PLEKHH1: variants seen among roughly 807,000 people sequenced by gnomAD.
PLEKHH1 encodes pleckstrin homology, MyTH4 and FERM domain containing H1, also known as pleckstrin homology domain-containing family H member 1.
A neutral mutation model predicts 160.0 loss-of-function variants in PLEKHH1; 104 were observed. The ratio of observed to expected loss-of-function variants is 0.65; its 90% confidence interval spans 0.55 to 0.76. The LOEUF (loss-of-function observed/expected upper bound fraction) is 0.76, where lower values mean the gene tolerates loss of function less well. Ranked by LOEUF, PLEKHH1 falls within the 30% of genes least tolerant of loss-of-function variation. The pLI, the probability that PLEKHH1 is intolerant of heterozygous loss-of-function variation, is 0.00. For synonymous variants in PLEKHH1, 619 were observed against 678.4 expected, an observed-to-expected ratio of 0.91 and a Z score of 1.36; for missense variants, 1,427 against 1,724.1, an observed-to-expected ratio of 0.83 and a Z score of 3.05.
At chr14:67,560,444 C>A (rs1383250263) in intron 5 of PLEKHH1, among the ~76,000 whole-genome samples, 1 of 152,226 alleles carries the variant, frequency 6.6e-6, no homozygotes, top group Non-Finnish European at 1.5e-5. Context: ...AGTACATTCA[C>A]AGTGTTGTGC....
chr14:67,565,609 A>C (rs1220551950), intron 7 of PLEKHH1, among the ~76,000 whole-genome samples: 1 of 152,184 alleles, frequency 6.6e-6, no homozygotes, highest in Non-Finnish European at 1.5e-5. Context: ...GGACATTGCC[A>C]GAGCTAAGGT....
intron 7 of PLEKHH1, among the ~76,000 whole-genome samples, chr14:67,566,749 G>GAA (rs58616303): frequency 1.4e-4 from 19 of 134,262 alleles, no homozygotes; most frequent in African/African-American, 3.9e-4. Context: ...ACCCTGTCTT[G>GAA]AAAAAAAAAA....
chr14:67,562,490 G>T lies in PLEKHH1; in HGVS notation c.859G>T (p.Val287Phe). ...CSSASWGEGL[V>F]TAQRGMLPGT... is the part of the protein sequence containing the mutation. ...TTCAGCTTCCTGGGGTGAGGGTCTG[G>T]TTACTGCTCAGAGAGGGATGCTCCC... Residue 287 changes from valine to phenylalanine, a missense_variant, in exon 7 of 29, where the codon GTT becomes TTT. By Grantham distance (50) the Val-to-Phe change is conservative. Transcript: ENST00000329153. 2 of 1,613,302 alleles carry T rather than the reference G, an allele frequency of 1.2e-6. No individual in the cohort carries two copies. The highest frequency in any genetic ancestry group is 1.7e-6 in the Non-Finnish European group (2 of 1,179,318).
chr14:67,552,947 A>C (rs1342294402), intron 2 of PLEKHH1, among the ~76,000 whole-genome samples: 1 of 152,112 alleles, frequency 6.6e-6, no homozygotes, highest in Non-Finnish European at 1.5e-5. Flanking sequence ...TAGATAATAA[A>C]ATCCGGAGGG....
In PLEKHH1 at chr14:67,572,221, G is replaced by A. The variant is rs1345652256; in HGVS notation, c.1672G>A (p.Glu558Lys). 10 of 1,609,540 alleles carry A rather than the reference G, an allele frequency of 6.2e-6. No individual in the cohort carries two copies. Among genetic ancestry groups the A allele is most frequent in the African/African-American group, 1.3e-5 (1 of 74,844 alleles). ...ACTGGACAGTGACTACTCAGAGCCTGAGCACAAACTGCAGCGCACCTCATC... is the reference window on the plus strand; with the variant it reads ...ACTGGACAGTGACTACTCAGAGCCTAAGCACAAACTGCAGCGCACCTCATC... The part of the protein sequence containing the change: ...CSLDSDYSEP[E>K]HKLQRTSSYS... The change falls in exon 11 of 29, where the codon GAG becomes AAG. Residue 558 changes from glutamate (E) to lysine (K), a missense_variant. Coordinates refer to ENST00000329153, the MANE Select transcript of PLEKHH1 (RefSeq NM_020715.3).
intron 1 of PLEKHH1, among the ~76,000 whole-genome samples, chr14:67,535,370 C>CTTT (rs71129833): frequency 0.011 from 806 of 74,240 alleles, 158 homozygotes; most frequent in African/African-American, 0.024. Context: ...GTGAGCACAT[C>CTTT]TTTTTTTTTT....
At chr14:67,544,829 C>T (rs534431875) in intron 2 of PLEKHH1, among the ~76,000 whole-genome samples, 25 of 152,272 alleles carry the variant, frequency 1.6e-4, no homozygotes, top group African/African-American at 5.5e-4. Flanking sequence ...CAGAATGCTG[C>T]CTACAGAAAT....
At chr14:67,561,334 C>T (rs1257542932) in intron 5 of PLEKHH1, among the ~76,000 whole-genome samples, 9 of 152,110 alleles carry the variant, frequency 5.9e-5, no homozygotes, top group Non-Finnish European at 1.2e-4. Flanking sequence ...GTGGATTGCT[C>T]GACACTAGGA....
chr14:67,580,786 G>A lies in PLEKHH1; in HGVS notation c.3184-152G>A. ...GGGAGCTGCTGCCACCTTGGGTCCA[G>A]GAAGCATGAAGCTCCGCAGGTCAGC... On this transcript the variant is annotated intron_variant, in intron 22 of 28. Coordinates refer to ENST00000329153, the MANE Select transcript of PLEKHH1 (RefSeq NM_020715.3). The A allele has an allele frequency of 1.3e-5, 8 of 593,472 alleles. No homozygotes were observed. In the South Asian group the frequency reaches 1.6e-4, roughly 12 times the overall value. The allele number at this position is 593,472 out of a possible 1,614,324, so 36.8% of individuals were successfully genotyped here. A position where few individuals can be genotyped will look rare whatever the true frequency, so the allele number is the denominator to read the frequency against.
chr14:67,585,564 C>A lies in PLEKHH1; in HGVS notation c.3700-4C>A. 6.4e-7 allele frequency: 1 copy of A among 1,570,750 alleles called. No individual in the cohort carries two copies. The highest frequency in any genetic ancestry group is 8.7e-7 in the Non-Finnish European group (1 of 1,155,888). Reference sequence around the variant, plus strand: ...TATCTGATGGGTTGTTTCTGTTTCCCCAGCCTGCCCAGCTGTCTTCCAAGG... The same window carrying A: ...TATCTGATGGGTTGTTTCTGTTTCCACAGCCTGCCCAGCTGTCTTCCAAGG... On this transcript the variant is annotated splice_polypyrimidine_tract_variant and splice_region_variant and intron_variant, in intron 26 of 28. Coordinates refer to ENST00000329153, the MANE Select transcript of PLEKHH1 (RefSeq NM_020715.3).
intron 27 of PLEKHH1, 112 bp downstream of exon 27, chr14:67,585,766 C>T: frequency 1.0e-6 from 1 of 980,200 alleles, no homozygotes; most frequent in Non-Finnish European, 1.5e-6. Context: ...GCCCTACCCC[C>T]ACTCCTGCCC....
At chr14:67,570,317 G>T in intron 9 of PLEKHH1, 1 of 979,110 alleles carries the variant, frequency 1.0e-6, no homozygotes, top group Non-Finnish European at 1.2e-6. Context: ...AGGGCAGTGG[G>T]GCTCCTTCTA....
intron 21 of PLEKHH1, 80 bp downstream of exon 21, chr14:67,579,391 C>G: frequency 8.6e-7 from 1 of 1,160,284 alleles, no homozygotes; most frequent in Non-Finnish European, 1.2e-6. Flanking sequence ...TAGGCTCAGG[C>G]TTGGCAGATT....
intron 2 of PLEKHH1, among the ~76,000 whole-genome samples, chr14:67,548,288 G>C (rs2034258082): frequency 2.0e-5 from 3 of 152,152 alleles, no homozygotes; most frequent in African/African-American, 7.2e-5. Context: ...ATCCACAAAA[G>C]AGCTTTGTAG....
intron 2 of PLEKHH1, among the ~76,000 whole-genome samples, chr14:67,544,000 T>C (rs1234868486): frequency 2.0e-5 from 3 of 152,092 alleles, no homozygotes; most frequent in Admixed American, 2.0e-4. Context: ...AAGTTAGAGT[T>C]TTAATATCTG....
chr14:67,561,648 G>A (rs966595363), intron 5 of PLEKHH1, among the ~76,000 whole-genome samples: 2 of 152,034 alleles, frequency 1.3e-5, no homozygotes, highest in Non-Finnish European at 2.9e-5. Context: ...TGGGCAGATC[G>A]TTTGAGTCCA....
At position 67,578,548 on chromosome 14, in the gene PLEKHH1, C is replaced by T. The variant is rs772393076; in HGVS notation, c.2766C>T (p.Leu922=). The part of the protein sequence containing the change: ...KYSLMQCWQL[L]ALCAPLFLPQ... ...GTCCCTGGCAGTGCTGGCAGCTCCT[C>T]GCTCTGTGTGCTCCACTTTTCCTGC... The change falls in exon 20 of 29, where the codon CTC becomes CTT. Residue 922 remains leucine, a synonymous_variant. Coordinates refer to ENST00000329153, the MANE Select transcript of PLEKHH1 (RefSeq NM_020715.3). The surrounding 1 kb of genome is among the most constrained non-coding windows in gnomAD (Gnocchi z 5.0). 8.1e-6 allele frequency: 13 copies of T among 1,609,890 alleles called. No homozygotes were observed. The highest frequency in any genetic ancestry group is 4.0e-5 in the African/African-American group (3 of 74,858).
At chr14:67,540,620 TCC>T (rs2033926898) in intron 1 of PLEKHH1, among the ~76,000 whole-genome samples, 1 of 140,624 alleles carries the variant, frequency 7.1e-6, no homozygotes, top group Non-Finnish European at 1.5e-5. Flanking sequence ...AGTGAGACTC[TCC>T]CTCAAAAAAA....
Position 67,576,502 on chromosome 14 carries a change from A to T in PLEKHH1, c.2460A>T (p.Pro820=), listed in dbSNP as rs2035628302. 2.0e-6 allele frequency: 3 copies of T among 1,502,858 alleles called. No homozygotes were observed. Among genetic ancestry groups the T allele is most frequent in the African/African-American group, 1.4e-5 (1 of 72,718 alleles). 93.1% of individuals were successfully genotyped at this position (1,502,858 alleles called of 1,614,324 possible). A position where few individuals can be genotyped will look rare whatever the true frequency, so the allele number is the denominator to read the frequency against. Reference sequence around the variant, plus strand: ...AACTGATGGATGGTGAAGGAGATCCAGGTAAGGCAAGGGTGGCCACCACTG... The same window carrying T: ...AACTGATGGATGGTGAAGGAGATCCTGGTAAGGCAAGGGTGGCCACCACTG... ...IGKLMDGEGD[P]DSPLWRHPML... Residue 820 remains proline (P), a splice_region_variant and synonymous_variant, in exon 17 of 29, where the codon CCA becomes CCT. Transcript: ENST00000329153. The surrounding 1 kb of genome is among the most constrained non-coding windows in gnomAD (Gnocchi z 4.0).
Sources: allele counts gnomAD v4.1 joint callset (sites outside exome capture counted in the v4.1 genomes callset), GRCh38; gene constraint gnomAD v4.1.1; non-coding constraint Gnocchi (gnomAD v3.1); transcripts MANE v1.5; gene names NCBI Gene and HGNC (gene_info 2026-07-23, HGNC 2026-07-21).